Variants in ITGA9 observed in about 807,000 individuals in gnomAD.
The protein encoded by ITGA9 is integrin alpha-9.
Under a neutral mutation model 127.8 loss-of-function variants are expected in ITGA9, and 56 were observed. That is an observed-to-expected ratio of 0.44 (90% confidence interval 0.35 to 0.55). The LOEUF is 0.55. ITGA9 is among the 20% of genes least tolerant of loss of function. The pLI is 0.00. For missense variants in ITGA9, 1,196 were observed against 1,347.1 expected, an observed-to-expected ratio of 0.89 and a Z score of 1.76; for synonymous variants, 508 against 514.5, an observed-to-expected ratio of 0.99 and a Z score of 0.17.
intron 4 of ITGA9, among the ~76,000 whole-genome samples, chr3:37,486,415 C>T (rs943894493): frequency 6.6e-6 from 1 of 152,174 alleles, no homozygotes; most frequent in African/African-American, 2.4e-5. Context: ...GCCTGGTGCC[C>T]TCATCTATAA....
chr3:37,685,651 G>A (rs1700776081), intron 18 of ITGA9, among the ~76,000 whole-genome samples: 1 of 152,176 alleles, frequency 6.6e-6, no homozygotes, highest in South Asian at 2.1e-4. Flanking sequence ...ATTGGCAACT[G>A]GCTCATTACA....
At chr3:37,497,337 T>A in intron 5 of ITGA9, among the ~76,000 whole-genome samples, 1 of 152,100 alleles carries the variant, frequency 6.6e-6, no homozygotes, top group Non-Finnish European at 1.5e-5. Context: ...GTCTTTTTTT[T>A]TTTTTCCCTC....
intron 8 of ITGA9, among the ~76,000 whole-genome samples, chr3:37,512,627 C>T (rs1015574656): frequency 1.3e-5 from 2 of 152,134 alleles, no homozygotes; most frequent in Non-Finnish European, 1.5e-5. Context: ...TTTTTACACA[C>T]GAAGAAGTTG....
At chr3:37,582,961 G>A (rs748156554) in intron 15 of ITGA9, among the ~76,000 whole-genome samples, 8 of 152,152 alleles carry the variant, frequency 5.3e-5, no homozygotes, top group Non-Finnish European at 1.2e-4. Context: ...AACCTTGGTG[G>A]AAATGAATTC....
In ITGA9 at chr3:37,783,163, T is replaced by C. The variant is rs548162583; in HGVS notation, c.2788-1814T>C. On this transcript the variant is annotated intron_variant, in intron 25 of 27. Transcript: ENST00000264741. ...CAAAAAAAAAAAATCACCGTAGGAT[T>C]CGGATTTTTTTGGAAGTATTCTTCT... Among the ~76,000 whole-genome samples, 5 of 152,140 alleles carry C rather than the reference T, an allele frequency of 3.3e-5. No homozygotes were observed. The East Asian group carries it at 9.7e-4, about 29-fold the overall frequency.
intron 17 of ITGA9, among the ~76,000 whole-genome samples, chr3:37,663,228 C>T (rs968954963): frequency 6.6e-6 from 1 of 152,138 alleles, no homozygotes; most frequent in African/African-American, 2.4e-5. Flanking sequence ...TGAATACTCA[C>T]AGTACCTAAG....
chr3:37,506,108 T>C (rs778594021), intron 7 of ITGA9, 23 bp downstream of exon 7: 1 of 1,542,572 alleles, frequency 6.5e-7, no homozygotes, highest in Admixed American at 1.8e-5. Context: ...ATCTGTGGAA[T>C]AGCTGGGGTC....
At chr3:37,706,266 C>T (rs977237545) in intron 18 of ITGA9, among the ~76,000 whole-genome samples, 3 of 152,180 alleles carry the variant, frequency 2.0e-5, no homozygotes, top group Non-Finnish European at 4.4e-5. Context: ...TCTTCTCCCT[C>T]TGGAATTCTC....
intron 14 of ITGA9, among the ~76,000 whole-genome samples, chr3:37,539,442 GA>G (rs1699245095): frequency 6.6e-6 from 1 of 152,198 alleles, no homozygotes. Flanking sequence ...ATTGGGTTGT[GA>G]GATTATGAGG....
rs147444935 is a variant in ITGA9 at position 37,795,446 on chromosome 3, A to G, written c.2890-8377A>G. On this transcript the variant is annotated intron_variant, in intron 26 of 27. Coordinates refer to ENST00000264741, the MANE Select transcript of ITGA9 (RefSeq NM_002207.3). ...GGTTCACCCACTGCCTCAGACTGGA[A>G]GCTGGCTTCTGGCCACTCCATGACA... 1.4e-4 allele frequency among the ~76,000 whole-genome samples: 21 copies of G among 152,330 alleles called. No individual in the cohort carries two copies. In the East Asian group the frequency reaches 4.0e-3, roughly 29 times the overall value.
intron 5 of ITGA9, among the ~76,000 whole-genome samples, chr3:37,502,785 G>A (rs1162757170): frequency 2.6e-5 from 4 of 152,218 alleles, no homozygotes; most frequent in Admixed American, 2.0e-4. Context: ...AGTCCAGGCA[G>A]GGTGCGGTAT....
chr3:37,572,681 T>C (rs1189385805), intron 15 of ITGA9, among the ~76,000 whole-genome samples: 1 of 152,238 alleles, frequency 6.6e-6, no homozygotes, highest in African/African-American at 2.4e-5. Context: ...GTGATATTTA[T>C]GTATATGCTT....
rs374116359 is a variant in ITGA9, at chr3:37,776,709, G to A, written c.2542-683G>A. Among the ~76,000 whole-genome samples the A allele has an allele frequency of 6.6e-5, 10 of 152,326 alleles. No homozygotes were observed. In the East Asian group the frequency reaches 7.7e-4, roughly 12 times the overall value. ...TCTGATGTTGCTGTCACTCAGCACC[G>A]TTGCCATTGCTGTCAGAAGCAAAAT... On this transcript the variant is annotated intron_variant, in intron 23 of 27. Coordinates refer to ENST00000264741, the MANE Select transcript of ITGA9 (RefSeq NM_002207.3).
chr3:37,651,868 G>A (rs1256560842), intron 16 of ITGA9, among the ~76,000 whole-genome samples: 4 of 152,164 alleles, frequency 2.6e-5, no homozygotes, highest in African/African-American at 9.7e-5. Flanking sequence ...GGTGACAGAG[G>A]TGAGGAGGGC....
intron 5 of ITGA9, among the ~76,000 whole-genome samples, chr3:37,502,213 C>CTTTTTT (rs910743416): frequency 1.8e-5 from 2 of 111,830 alleles, no homozygotes; most frequent in Non-Finnish European, 3.7e-5. Flanking sequence ...GTTCTTGAGT[C>CTTTTTT]TTTTTTTTTT....
intron 17 of ITGA9, among the ~76,000 whole-genome samples, chr3:37,663,257 A>G (rs1700555162): frequency 6.6e-6 from 1 of 152,236 alleles, no homozygotes; most frequent in African/African-American, 2.4e-5. Context: ...ACATATGATA[A>G]AGAAAAAGAC....
At chr3:37,815,770 A>G (rs545250002) in intron 27 of ITGA9, among the ~76,000 whole-genome samples, 2 of 152,292 alleles carry the variant, frequency 1.3e-5, no homozygotes, top group East Asian at 1.9e-4. Flanking sequence ...CCACCCCAGT[A>G]TTCAGCGGCT....
intron 17 of ITGA9, among the ~76,000 whole-genome samples, chr3:37,666,019 A>G (rs1303232154): frequency 2.0e-5 from 3 of 152,230 alleles, no homozygotes; most frequent in Non-Finnish European, 4.4e-5. Context: ...CGTTTGACAA[A>G]TGTGGATGGA....
At chr3:37,633,549 G>A (rs1259728828) in intron 16 of ITGA9, among the ~76,000 whole-genome samples, 2 of 152,186 alleles carry the variant, frequency 1.3e-5, no homozygotes, top group African/African-American at 4.8e-5. Flanking sequence ...CAAAATGGTT[G>A]TATGGGTACT....
Sources: allele counts gnomAD v4.1 joint callset (sites outside exome capture counted in the v4.1 genomes callset), GRCh38; gene constraint gnomAD v4.1.1; transcripts MANE v1.5; gene names NCBI Gene and HGNC (gene_info 2026-07-23, HGNC 2026-07-21).